The following PLCB1 variants were observed in gnomAD, a reference collection of about 807,000 sequenced individuals.
PLCB1 encodes 1-phosphatidylinositol 4,5-bisphosphate phosphodiesterase beta-1.
In PLCB1, 46 loss-of-function variants were observed where a neutral mutation model predicts 161.8. That is an observed-to-expected ratio of 0.28 (90% CI 0.22 to 0.36). The LOEUF is 0.36. PLCB1 is among the 10% of genes least tolerant of loss of function. The pLI is 1.00. For synonymous variants in PLCB1, 517 were observed against 503.7 expected (o/e 1.03, Z -0.35); for missense variants, 1,016 against 1,472.5 (o/e 0.69, Z 5.07).
chr20:8,821,349 T>C (rs1260033117), intron 31 of PLCB1, among the ~76,000 whole-genome samples: 1 of 150,056 alleles, frequency 6.7e-6, no homozygotes, highest in Non-Finnish European at 1.5e-5. Context: ...CATGGTGGCC[T>C]GCGTCTGTAT....
At chr20:8,212,594 A>G (rs914387492) in intron 2 of PLCB1, among the ~76,000 whole-genome samples, 1 of 152,144 alleles carries the variant, frequency 6.6e-6, no homozygotes, top group South Asian at 2.1e-4. Context: ...TTTAAAAGCA[A>G]TATAAAATTA....
At chr20:8,689,586 A>G (rs1247809374) in intron 10 of PLCB1, among the ~76,000 whole-genome samples, 1 of 152,056 alleles carries the variant, frequency 6.6e-6, no homozygotes, top group East Asian at 1.9e-4. Flanking sequence ...ATACATACTA[A>G]CTCATTTTCT....
Position 8,760,422 on chromosome 20 carries a change from C to T in PLCB1, c.2672C>T (p.Pro891Leu), listed in dbSNP as rs1162491095. The T allele has an allele frequency of 1.2e-6, 2 of 1,609,370 alleles. No individual in the cohort carries two copies. Among genetic ancestry groups the T allele is most frequent in the Non-Finnish European group, 1.7e-6 (2 of 1,176,228 alleles). Residue 891 changes from proline (P) to leucine (L), a missense_variant, in exon 25 of 32, where the codon CCT (proline) becomes CTT (leucine). By Grantham distance (98) the Pro-to-Leu change is moderately conservative (BLOSUM62 -3). This residue lies in a region of PLCB1 where 398 missense variants were observed against 445.4 expected (regional missense o/e 0.89). Coordinates refer to ENST00000338037, the MANE Select transcript of PLCB1 (RefSeq NM_015192.4). ...SQPAPGSVKAPAKTEDLIQSV... is the reference protein window; with the variant it reads ...SQPAPGSVKALAKTEDLIQSV... The stretch of plus-strand genomic sequence containing the variant: ...TATATTACAGGTTCTGTAAAGGCAC[C>T]TGCCAAAACAGAAGATCTTATTCAG...
At chr20:8,651,037 G>T (rs1989304228) in intron 7 of PLCB1, among the ~76,000 whole-genome samples, 1 of 152,062 alleles carries the variant, frequency 6.6e-6, no homozygotes, top group Non-Finnish European at 1.5e-5. Flanking sequence ...TACATGACTG[G>T]CTCTAAAATG....
intron 31 of PLCB1, among the ~76,000 whole-genome samples, chr20:8,821,747 C>T (rs374356701): frequency 6.6e-6 from 1 of 151,836 alleles, no homozygotes; most frequent in South Asian, 2.1e-4. Context: ...AGCCACTACC[C>T]CGCTCTGTGG....
chr20:8,278,977 T>TAA (rs1568615549), intron 2 of PLCB1, among the ~76,000 whole-genome samples: 1 of 148,382 alleles, frequency 6.7e-6, no homozygotes, highest in African/African-American at 2.5e-5. Context: ...ACAGTGTTTT[T>TAA]TAAAAAAAAA....
Position 8,869,598 on chromosome 20 carries a change from A to G in PLCB1, c.3424-12024A>G, listed in dbSNP as rs548262760. Among the ~76,000 whole-genome samples, 3 of 152,350 alleles carry G rather than the reference A, an allele frequency of 2.0e-5. No individual in the cohort carries two copies. The South Asian group carries it at 6.2e-4, about 32-fold the overall frequency. On this transcript the variant is annotated intron_variant, in intron 31 of 31. Coordinates refer to ENST00000338037, the MANE Select transcript of PLCB1 (RefSeq NM_015192.4). ...GTCAAGGCCACAGAACTTAATGCAC[A>G]CTTTTGAGAGAAATTATAAGAGTCA...
chr20:8,369,661 A>C (rs1247869615), intron 2 of PLCB1, among the ~76,000 whole-genome samples: 1 of 152,254 alleles, frequency 6.6e-6, no homozygotes, highest in East Asian at 1.9e-4. Flanking sequence ...CTGGGTTGCC[A>C]CCTGTCACAC....
chr20:8,499,016 C>T (rs1983294489), intron 3 of PLCB1, among the ~76,000 whole-genome samples: 1 of 152,128 alleles, frequency 6.6e-6, no homozygotes, highest in Non-Finnish European at 1.5e-5. Context: ...CACAAATCTT[C>T]CTGTACCACT....
At chr20:8,262,126 G>T (rs960748338) in intron 2 of PLCB1, among the ~76,000 whole-genome samples, 1 of 152,076 alleles carries the variant, frequency 6.6e-6, no homozygotes, top group African/African-American at 2.4e-5. Flanking sequence ...CTGGAGTGCA[G>T]TGGCATGATC....
rs116327940 is a variant in PLCB1 at position 8,818,205 on chromosome 20, T to C, written c.3423+27944T>C. ...ATTAAGAAATCTCAAGCATAGTGTA[T>C]TTTAAACAATGCCACATCTAAATAT... On this transcript the variant is annotated intron_variant, in intron 31 of 31. Transcript: ENST00000338037. Among the ~76,000 whole-genome samples the C allele has an allele frequency of 7.7e-3, 1,171 of 152,300 alleles. 14 individuals carry two copies. Among genetic ancestry groups the C allele is most frequent in the African/African-American group, 0.027 (1,126 of 41,560 alleles).
chr20:8,760,560 C>T, intron 25 of PLCB1, 100 bp downstream of exon 25: 1 of 734,772 alleles, frequency 1.4e-6, no homozygotes, highest in Non-Finnish European at 2.3e-6. Flanking sequence ...TGAAAAACAA[C>T]ATCATTAATA....
chr20:8,684,265 T>C, intron 9 of PLCB1, among the ~76,000 whole-genome samples: 1 of 149,230 alleles, frequency 6.7e-6, no homozygotes, highest in Non-Finnish European at 1.5e-5. Context: ...TATTTATTTA[T>C]TTTTATTTTG....
Position 8,370,189 on chromosome 20 carries a change from C to T in PLCB1, c.178-1193C>T, listed in dbSNP as rs180916127. ...GTCACTTTAAGACAACTGCTCACTG[C>T]ACCACAGTCCTACCTGGCTGGTGGT... On this transcript the variant is annotated intron_variant, in intron 2 of 31. Transcript: ENST00000338037. 2.5e-4 allele frequency among the ~76,000 whole-genome samples: 38 copies of T among 152,314 alleles called. No homozygotes were observed. In the East Asian group the frequency reaches 2.5e-3, roughly 10 times the overall value.
intron 31 of PLCB1, among the ~76,000 whole-genome samples, chr20:8,858,912 C>A (rs200798503): frequency 6.8e-3 from 760 of 111,034 alleles, no homozygotes; most frequent in East Asian, 0.013. Context: ...TTTGAGTGTG[C>A]AAAAAAAAAA....
intron 3 of PLCB1, among the ~76,000 whole-genome samples, chr20:8,626,177 C>CA (rs71184104): frequency 0.039 from 4,633 of 117,314 alleles, 274 homozygotes; most frequent in East Asian, 0.31. Flanking sequence ...GACTCCATCT[C>CA]AAAAAAAAAA....
chr20:8,133,526 G>C (rs1444588456), intron 1 of PLCB1, among the ~76,000 whole-genome samples: 1 of 152,190 alleles, frequency 6.6e-6, no homozygotes, highest in Non-Finnish European at 1.5e-5. Context: ...GTAGGGCAGA[G>C]CCTAGCCCAG....
At chr20:8,219,318 G>C (rs1436962972) in intron 2 of PLCB1, among the ~76,000 whole-genome samples, 1 of 152,166 alleles carries the variant, frequency 6.6e-6, no homozygotes, top group Non-Finnish European at 1.5e-5. Context: ...CAGATTGCAT[G>C]ATGAATACAT....
chr20:8,788,681 G>A lies in PLCB1; in HGVS notation c.3237G>A (p.Lys1079=), dbSNP rs779533042. 1 of 1,611,746 alleles carries A rather than the reference G, an allele frequency of 6.2e-7. No homozygotes were observed. The highest frequency in any genetic ancestry group is 8.5e-7 in the Non-Finnish European group (1 of 1,178,880). Residue 1079 remains lysine (K), a synonymous_variant, in exon 29 of 32, where the codon AAG becomes AAA. Coordinates refer to ENST00000338037, the MANE Select transcript of PLCB1 (RefSeq NM_015192.4). The part of the protein sequence containing the change: ...KKKMDKKRQE[K]ITEAKSKDKS... ...AAATGGATAAAAAGAGGCAGGAGAA[G>A]ATAACAGAAGCTAAATCCAAAGACA... is the stretch of plus-strand genomic sequence containing the variant.
Sources: allele counts gnomAD v4.1 joint callset (sites outside exome capture counted in the v4.1 genomes callset), GRCh38; gene constraint gnomAD v4.1.1; regional missense constraint gnomAD v4.1.1; transcripts MANE v1.5; gene names NCBI Gene and HGNC (gene_info 2026-07-23, HGNC 2026-07-21).